Variants in CIROZ observed in about 807,000 individuals in gnomAD.
The protein encoded by CIROZ is ciliated left-right organizer ZP-N domains-containing protein.
At chr1:10,978,900 G>A in the CIROZ span, among the ~76,000 whole-genome samples, 965 of 152,278 alleles carry the variant, frequency 6.3e-3, 8 homozygotes, top group Middle Eastern at 0.017. Flanking sequence ...GGGCAGGCAG[G>A]AGCCATGGCC....
the CIROZ span, among the ~76,000 whole-genome samples, chr1:10,977,466 G>A: frequency 6.6e-6 from 1 of 152,130 alleles, no homozygotes; most frequent in Non-Finnish European, 1.5e-5. Flanking sequence ...CTGCATGACA[G>A]AGTAAGACTC....
chr1:10,978,196 C>T, the CIROZ span, among the ~76,000 whole-genome samples: 3 of 150,026 alleles, frequency 2.0e-5, no homozygotes, highest in Non-Finnish European at 3.0e-5. Flanking sequence ...AAAAGTTAGC[C>T]ACCACGCCCG....
chr1:10,950,783 A>C, the CIROZ span, among the ~76,000 whole-genome samples: 7 of 152,220 alleles, frequency 4.6e-5, no homozygotes, highest in South Asian at 2.1e-4. Flanking sequence ...CAGCCCTTGG[A>C]CATGTTTGAC....
At chr1:10,948,513 G>C in the CIROZ span, 1 of 1,614,142 alleles carries the variant, frequency 6.2e-7, no homozygotes, top group Non-Finnish European at 8.5e-7. Context: ...TAGACCTTCA[G>C]TCAGGGTGAC....
At chr1:10,959,035 G>A in the CIROZ span, among the ~76,000 whole-genome samples, 2 of 152,262 alleles carry the variant, frequency 1.3e-5, no homozygotes, top group African/African-American at 2.4e-5. The surrounding 1 kb of genome is among the most constrained non-coding windows in gnomAD (Gnocchi z 4.3). Flanking sequence ...GAGCGGGTGT[G>A]CATGGGACCA....
chr1:10,976,140 A>G, the CIROZ span: 1 of 1,533,094 alleles, frequency 6.5e-7, no homozygotes, highest in Non-Finnish European at 8.7e-7. Context: ...CAACCATAAA[A>G]GTGTGATTGA....
At chr1:10,948,952 C>T in the CIROZ span, 3,306 of 1,091,008 alleles carry the variant, frequency 3.0e-3, 5 homozygotes, top group Non-Finnish European at 3.8e-3. Flanking sequence ...GGACCGGGTG[C>T]GGTGGCTCAC....
the CIROZ span, among the ~76,000 whole-genome samples, chr1:10,978,042 G>A: frequency 3.3e-5 from 5 of 151,892 alleles, no homozygotes; most frequent in East Asian, 3.9e-4. Context: ...GATGGCACAC[G>A]CATGTAATCC....
At chr1:10,962,640 G>A in the CIROZ span, among the ~76,000 whole-genome samples, 1 of 152,176 alleles carries the variant, frequency 6.6e-6, no homozygotes, top group African/African-American at 2.4e-5. Flanking sequence ...CCACCATGTG[G>A]TCTGGCTCAA....
chr1:10,964,018 C>T, the CIROZ span: 1 of 1,375,966 alleles, frequency 7.3e-7, no homozygotes, highest in Non-Finnish European at 9.9e-7. Context: ...ACCTGTCTCC[C>T]TGGGCCACGT....
chr1:10,970,802 C>T, the CIROZ span, among the ~76,000 whole-genome samples: 1 of 151,548 alleles, frequency 6.6e-6, no homozygotes, highest in Admixed American at 6.6e-5. Flanking sequence ...TAAATCTAAA[C>T]TCTATGTTTT....
At chr1:10,958,815 C>A in the CIROZ span, 1 of 1,572,332 alleles carries the variant, frequency 6.4e-7, no homozygotes, top group Non-Finnish European at 8.7e-7. Flanking sequence ...GCAAACATCC[C>A]TGCCTGTGCC....
chr1:10,978,410 T>C, the CIROZ span, among the ~76,000 whole-genome samples: 1 of 151,680 alleles, frequency 6.6e-6, no homozygotes. Flanking sequence ...CAAGATGGTA[T>C]GTATGTCACG....
chr1:10,953,228 C>G, the CIROZ span, among the ~76,000 whole-genome samples: 4 of 152,134 alleles, frequency 2.6e-5, no homozygotes, highest in African/African-American at 9.7e-5. Context: ...GGCAAACTTG[C>G]ACTATTAACA....
At chr1:10,957,022 C>G in the CIROZ span, 1 of 1,550,780 alleles carries the variant, frequency 6.4e-7, no homozygotes, top group South Asian at 1.2e-5. Flanking sequence ...CTGGGTCTTA[C>G]CCGGTGGGCA....
chr1:10,948,258 C>A, the CIROZ span: 48 of 1,613,942 alleles, frequency 3.0e-5, no homozygotes, highest in Admixed American at 1.8e-4. Context: ...CCCTGTCTGG[C>A]GTGGCCTCTC....
At chr1:10,958,847 C>T in the CIROZ span, 1 of 1,281,110 alleles carries the variant, frequency 7.8e-7, no homozygotes, top group Middle Eastern at 2.1e-4. Flanking sequence ...GCAATTACCC[C>T]AGCAGGAGGC....
At chr1:10,954,256 C>T in the CIROZ span, 2 of 1,229,180 alleles carry the variant, frequency 1.6e-6, no homozygotes, top group African/African-American at 3.1e-5. Flanking sequence ...GAGATCGAGA[C>T]CATCTGGCTA....
chr1:10,963,081 C>T, the CIROZ span, among the ~76,000 whole-genome samples: 1 of 141,532 alleles, frequency 7.1e-6, no homozygotes, highest in East Asian at 2.0e-4. Context: ...CGTGACGGAG[C>T]AAGATCCTGT....
Sources: allele counts gnomAD v4.1 joint callset (sites outside exome capture counted in the v4.1 genomes callset), GRCh38; gene constraint gnomAD v4.1.1; non-coding constraint Gnocchi (gnomAD v3.1); transcripts MANE v1.5; gene names NCBI Gene and HGNC (gene_info 2026-07-23, HGNC 2026-07-21).